PRKCA: variants seen among roughly 807,000 people sequenced by gnomAD.
PRKCA encodes the protein protein kinase C alpha.
In PRKCA, 27 loss-of-function variants were observed where a neutral mutation model predicts 87.0. The ratio of observed to expected loss-of-function variants is 0.31; its 90% CI spans 0.23 to 0.43. The LOEUF (loss-of-function observed/expected upper bound fraction) is 0.43, where lower values mean the gene tolerates loss of function less well. Ranked by LOEUF, PRKCA falls within the 20% of genes least tolerant of loss-of-function variation. The pLI, the probability that PRKCA is intolerant of heterozygous loss-of-function variation, is 1.00. For missense variants in PRKCA, 518 were observed against 852.3 expected (o/e 0.61, Z 4.88); for synonymous variants, 329 against 311.1 (o/e 1.06, Z -0.61).
At chr17:66,422,971 C>A (rs1254345930) in intron 2 of PRKCA, among the ~76,000 whole-genome samples, 2 of 152,006 alleles carry the variant, frequency 1.3e-5, no homozygotes, top group Admixed American at 1.3e-4. Context: ...ATTAGCTGAG[C>A]ATAGTGGCAG....
At chr17:66,797,057 A>T in intron 16 of PRKCA, 2 of 897,934 alleles carry the variant, frequency 2.2e-6, no homozygotes, top group Non-Finnish European at 2.7e-6. Flanking sequence ...AGCTGAGACC[A>T]TGGGGTTGTA....
At chr17:66,451,557 T>A (rs1914323081) in intron 2 of PRKCA, among the ~76,000 whole-genome samples, 1 of 152,180 alleles carries the variant, frequency 6.6e-6, no homozygotes, top group Non-Finnish European at 1.5e-5. Flanking sequence ...GGATTTTAAT[T>A]TTCATGTTGT....
At chr17:66,560,306 G>C (rs191882272) in intron 3 of PRKCA, among the ~76,000 whole-genome samples, 5 of 152,180 alleles carry the variant, frequency 3.3e-5, no homozygotes, top group East Asian at 1.9e-4. Flanking sequence ...ATCAAGAAAA[G>C]AGCAAATGAG....
At position 66,746,386 on chromosome 17, in the gene PRKCA, G is replaced by A. The variant is rs140585659; in HGVS notation, c.1524+3626G>A. On this transcript the variant is annotated intron_variant, in intron 13 of 16. Coordinates refer to ENST00000413366, the MANE Select transcript of PRKCA (RefSeq NM_002737.3). ...AGTAATTTGGCATATTTGGCCACACGAATACTTACAGTATAGAGAAAGATC... is the reference window on the plus strand; with the variant it reads ...AGTAATTTGGCATATTTGGCCACACAAATACTTACAGTATAGAGAAAGATC... 5.4e-4 allele frequency among the ~76,000 whole-genome samples: 82 copies of A among 152,018 alleles called. 1 individual carries two copies. The highest frequency in any genetic ancestry group is 3.4e-3 in the Middle Eastern group (1 of 294).
At chr17:66,522,838 C>A (rs898009612) in intron 3 of PRKCA, among the ~76,000 whole-genome samples, 1 of 151,574 alleles carries the variant, frequency 6.6e-6, no homozygotes, top group Non-Finnish European at 1.5e-5. Context: ...AAGCCAGGCC[C>A]CAAAGGAAGA....
At chr17:66,541,901 C>T (rs1226558658) in intron 3 of PRKCA, among the ~76,000 whole-genome samples, 1 of 152,172 alleles carries the variant, frequency 6.6e-6, no homozygotes, top group Non-Finnish European at 1.5e-5. Context: ...CTTGTATGAG[C>T]CCCTAAAATG....
intron 3 of PRKCA, among the ~76,000 whole-genome samples, chr17:66,518,597 C>T (rs1284245726): frequency 6.6e-6 from 1 of 152,098 alleles, no homozygotes; most frequent in Non-Finnish European, 1.5e-5. Context: ...ACCTGGTAAC[C>T]TAATTTTAGA....
intron 3 of PRKCA, among the ~76,000 whole-genome samples, chr17:66,587,356 G>T (rs1486709145): frequency 1.3e-5 from 2 of 152,054 alleles, no homozygotes; most frequent in East Asian, 1.9e-4. Context: ...GCATCATTTT[G>T]TGTTGTTTTA....
chr17:66,637,387 C>A (rs2070347032), intron 3 of PRKCA, among the ~76,000 whole-genome samples: 1 of 152,156 alleles, frequency 6.6e-6, no homozygotes, highest in Admixed American at 6.6e-5. Context: ...TAGGACGCAA[C>A]CTTTCCTGTC....
chr17:66,353,259 A>G (rs1907858363), intron 2 of PRKCA, among the ~76,000 whole-genome samples: 1 of 152,172 alleles, frequency 6.6e-6, no homozygotes, highest in African/African-American at 2.4e-5. Flanking sequence ...ACCATTTTTG[A>G]TGACTCATTT....
chr17:66,318,753 G>C (rs1905466561), intron 2 of PRKCA, among the ~76,000 whole-genome samples: 1 of 151,936 alleles, frequency 6.6e-6, no homozygotes, highest in Non-Finnish European at 1.5e-5. Flanking sequence ...TACTTGGGAG[G>C]CTGAGGCAGG....
chr17:66,415,355 G>T (rs1427119396), intron 2 of PRKCA: 1 of 152,088 alleles, frequency 6.6e-6, no homozygotes, highest in Non-Finnish European at 1.5e-5. Flanking sequence ...ATTCTGAATT[G>T]GCTCACACTT....
At chr17:66,417,075 T>A (rs1008701855) in intron 2 of PRKCA, among the ~76,000 whole-genome samples, 2 of 152,028 alleles carry the variant, frequency 1.3e-5, no homozygotes, top group African/African-American at 4.8e-5. Context: ...ATTTTTGTAT[T>A]TTTGGTAGAG....
chr17:66,431,373 CT>C (rs1913091188), intron 2 of PRKCA, among the ~76,000 whole-genome samples: 2 of 152,274 alleles, frequency 1.3e-5, no homozygotes, highest in South Asian at 4.1e-4. Flanking sequence ...CATCTTGTTG[CT>C]TTTTTCTTTT....
At chr17:66,752,075 A>G (rs1298956755) in intron 13 of PRKCA, among the ~76,000 whole-genome samples, 1 of 152,040 alleles carries the variant, frequency 6.6e-6, no homozygotes, top group Non-Finnish European at 1.5e-5. Context: ...TGTATTATAA[A>G]CTCTGGCTAC....
In PRKCA at chr17:66,496,303, T is replaced by C; in HGVS notation, c.288+20T>C. 1 of 1,587,276 alleles carries C rather than the reference T, an allele frequency of 6.3e-7. No homozygotes were observed. The highest frequency in any genetic ancestry group is 8.6e-7 in the Non-Finnish European group (1 of 1,158,218). On this transcript the variant is annotated intron_variant, in intron 3 of 16. Coordinates refer to ENST00000413366, the MANE Select transcript of PRKCA (RefSeq NM_002737.3). ...ACTGATGTAAGTAGTCCTGAAATCA[T>C]GATTTGATGTCAATGTGGATTTCTG...
At chr17:66,369,662 C>T (rs1311655898) in intron 2 of PRKCA, among the ~76,000 whole-genome samples, 5 of 152,150 alleles carry the variant, frequency 3.3e-5, no homozygotes, top group African/African-American at 9.7e-5. Flanking sequence ...TGCACCTGCC[C>T]GTTTTCACTA....
At chr17:66,778,172 A>G (rs61762779) in intron 14 of PRKCA, 2 of 985,376 alleles carry the variant, frequency 2.0e-6, no homozygotes, top group African/African-American at 3.5e-5. Flanking sequence ...TCTCAGAGCC[A>G]CTTAGCCTGC....
intron 2 of PRKCA, among the ~76,000 whole-genome samples, chr17:66,478,990 A>C (rs60283766): frequency 0.21 from 32,373 of 152,172 alleles, 3,638 homozygotes; most frequent in Middle Eastern, 0.24. Context: ...CGAAGACGCC[A>C]AAAGCAATTG....
Sources: allele counts gnomAD v4.1 joint callset (sites outside exome capture counted in the v4.1 genomes callset), GRCh38; gene constraint gnomAD v4.1.1; transcripts MANE v1.5; gene names NCBI Gene and HGNC (gene_info 2026-07-23, HGNC 2026-07-21).